MYH11: variants seen among roughly 807,000 people sequenced by gnomAD.
MYH11 encodes the protein myosin heavy chain 11, also known as myosin-11.
In MYH11, 80 loss-of-function variants were observed where a neutral mutation model predicts 246.6. The ratio of observed to expected loss-of-function variants is 0.32; its 90% CI spans 0.27 to 0.39. The LOEUF (loss-of-function observed/expected upper bound fraction) is 0.39. Ranked by LOEUF, MYH11 falls within the 10% of genes least tolerant of loss-of-function variation. The pLI, the probability that MYH11 is intolerant of heterozygous loss-of-function variation, is 1.00. For synonymous variants in MYH11, 1,071 were observed against 1,015.5 expected (o/e 1.05, Z -1.04); for missense variants, 2,158 against 2,546.8 (o/e 0.85, Z 3.29).
intron 5 of MYH11, among the ~76,000 whole-genome samples, chr16:15,784,416 G>T (rs2042421082): frequency 6.6e-6 from 1 of 152,074 alleles, no homozygotes; most frequent in African/African-American, 2.4e-5. Flanking sequence ...AAGGGTGCAG[G>T]GGTTCATTCT....
rs58077308 is a variant in MYH11 at position 15,788,798 on chromosome 16, ATGTGTGTGTG to A, written c.531-2076_531-2067del. Among the ~76,000 whole-genome samples the A allele has an allele frequency of 1.4e-4, 15 of 104,898 alleles. No homozygotes were observed. In the South Asian group the frequency reaches 3.7e-3, roughly 26 times the overall value. The allele number at this position is 104,898 out of a possible 152,430, so 68.8% of individuals were successfully genotyped here. A position where few individuals can be genotyped will look rare whatever the true frequency, so the allele number is the denominator to read the frequency against. On this transcript the variant is annotated intron_variant, in intron 4 of 40. Transcript: ENST00000300036. ...GAAGGGGAAACTAAGACCAGAATATATGTGTGTGTGTGTGTGTGTGTGTGTGTGTGTGTGT... is the reference window on the plus strand; with the variant it reads ...GAAGGGGAAACTAAGACCAGAATATATGTGTGTGTGTGTGTGTGTGTGTGT...
intron 40 of MYH11, chr16:15,708,697 G>A: frequency 8.2e-7 from 1 of 1,225,808 alleles, no homozygotes; most frequent in Non-Finnish European, 1.2e-6. Flanking sequence ...AGAATCTCGT[G>A]GAAATGTGCA....
intron 26 of MYH11, 129 bp downstream of exon 26, chr16:15,735,237 G>A: frequency 9.9e-7 from 1 of 1,014,064 alleles, no homozygotes; most frequent in Non-Finnish European, 1.5e-6. Context: ...ATAAGTTAAA[G>A]CAAACCGCGG....
chr16:15,734,414 T>C (rs949541075), intron 26 of MYH11, among the ~76,000 whole-genome samples: 2 of 152,162 alleles, frequency 1.3e-5, no homozygotes, highest in Non-Finnish European at 2.9e-5. Context: ...CTCTACTGCC[T>C]CAGCCTCCTG....
rs374486989 is a variant in MYH11, at chr16:15,717,190, C to A, written c.5454G>T (p.Ala1818=). The A allele has an allele frequency of 6.2e-7, 1 of 1,614,180 alleles. No individual in the cohort carries two copies. Among genetic ancestry groups the A allele is most frequent in the South Asian group, 1.1e-5 (1 of 91,082 alleles). Residue 1818 remains alanine, a synonymous_variant, in exon 38 of 41, where the codon GCG becomes GCT. Transcript: ENST00000300036. ...CCAGCTGTGCAATCTTGGCCTCCAG[C>A]GCCGCGATGGTGGACTTGAACTTGG... is the stretch of plus-strand genomic sequence containing the variant. ...VKSKFKSTIA[A]LEAKIAQLEE...
chr16:15,749,214 A>G (rs2041501078), intron 16 of MYH11: 3 of 149,758 alleles, frequency 2.0e-5, no homozygotes, highest in African/African-American at 5.0e-5. Context: ...CTGTGGTGCA[A>G]TCTCAGCTCA....
chr16:15,728,694 G>GT (rs887248923), intron 27 of MYH11, among the ~76,000 whole-genome samples: 12 of 152,252 alleles, frequency 7.9e-5, no homozygotes, highest in Admixed American at 3.9e-4. Context: ...GAGGTCAGGA[G>GT]TTTGAGACCA....
At chr16:15,830,075 C>T (rs1447788498) in intron 2 of MYH11, among the ~76,000 whole-genome samples, 1 of 151,728 alleles carries the variant, frequency 6.6e-6, no homozygotes, top group Non-Finnish European at 1.5e-5. Flanking sequence ...GCAGAGGTTG[C>T]AGTGAGCTGA....
chr16:15,763,741 T>TGGGGGGGCCCCCC, intron 10 of MYH11, 55 bp downstream of exon 10: 2 of 646,852 alleles, frequency 3.1e-6, no homozygotes, highest in East Asian at 3.2e-5. Flanking sequence ...AAATGTCACC[T>TGGGGGGGCCCCCC]CCCCCACCCC....
chr16:15,838,185 C>T lies in MYH11; in HGVS notation c.68G>A (p.Ser23Asn). 6.2e-7 allele frequency: 1 copy of T among 1,614,136 alleles called. No homozygotes were observed. Among genetic ancestry groups the T allele is most frequent in the Non-Finnish European group, 8.5e-7 (1 of 1,180,014 alleles). The change falls in exon 2 of 41, where the codon AGC becomes AAC. Residue 23 changes from serine (S) to asparagine (N), a missense_variant. Around this residue, in one of 11 missense-constraint regions of MYH11, gnomAD observed 96 missense variants for 91.9 expected, o/e 1.04. Coordinates refer to ENST00000300036, the MANE Select transcript of MYH11 (RefSeq NM_002474.3). ...FLFVDKNFIN[S>N]PVAQADWAAK... ...GGCCCAGTCAGCCTGGGCCACTGGG[C>T]TGTTGATGAAGTTTTTGTCCACAAA...
At position 15,718,364 on chromosome 16, in the gene MYH11, TGCTCCTCCTCCA is replaced by T. The variant is rs777249764; in HGVS notation, c.5234_5245del (p.Leu1745_Glu1748del). On this transcript the variant is annotated inframe_deletion, in exon 37 of 41. Coordinates refer to ENST00000300036, the MANE Select transcript of MYH11 (RefSeq NM_002474.3). ...GTCGCTCATGGCCTCCATGTTGCCC[TGCTCCTCCTCCA>T]GCTCCTCCTCCAGCTGGGCGATCCG... is the stretch of plus-strand genomic sequence containing the variant. The T allele has an allele frequency of 7.5e-6, 12 of 1,602,974 alleles. No individual in the cohort carries two copies. Among genetic ancestry groups the T allele is most frequent in the East Asian group, 2.3e-5 (1 of 44,262 alleles).
At position 15,837,754 on chromosome 16, in the gene MYH11, C is replaced by T. The variant is rs8048670; in HGVS notation, c.345+154G>A. On this transcript the variant is annotated intron_variant, in intron 2 of 40. Coordinates refer to ENST00000300036, the MANE Select transcript of MYH11 (RefSeq NM_002474.3). The stretch of plus-strand genomic sequence containing the variant: ...TTCATCATGTTGGCCAGCGTGGTCT[C>T]GAACTTCTGACCTCAGGTGATCTGC... Among the ~76,000 whole-genome samples, 52,993 of 151,722 alleles carry T rather than the reference C, an allele frequency of 0.35. 9,683 individuals are homozygous for T. The highest frequency in any genetic ancestry group is 0.47 in the East Asian group (2,431 of 5,140).
In MYH11 at chr16:15,745,150, C is replaced by T; in HGVS notation, c.2499G>A (p.Gln833=). ...TCACTTTGGTGAAAAGCCTCCACCA[C>T]TGCCAGTTCCGCAGCTTGAGGTAGG... ...CAAYLKLRNW[Q]WWRLFTKVKP... The change falls in exon 20 of 41, where the codon CAG becomes CAA. Residue 833 remains glutamine, a synonymous_variant. Transcript: ENST00000300036. The T allele has an allele frequency of 6.2e-7, 1 of 1,614,178 alleles. No homozygotes were observed. Among genetic ancestry groups the T allele is most frequent in the Non-Finnish European group, 8.5e-7 (1 of 1,180,034 alleles).
intron 3 of MYH11, among the ~76,000 whole-genome samples, chr16:15,805,690 T>A (rs1311867451): frequency 6.6e-6 from 1 of 152,104 alleles, no homozygotes; most frequent in Non-Finnish European, 1.5e-5. Context: ...GGCAGGTGGA[T>A]TGCTTGAGCC....
rs536775709 is a variant in MYH11, at chr16:15,846,818, A to G, written c.-17-8549T>C. Among the ~76,000 whole-genome samples the G allele has an allele frequency of 7.6e-4, 115 of 152,268 alleles. 1 individual carries two copies. In the Middle Eastern group the frequency reaches 0.01, roughly 14 times the overall value. On this transcript the variant is annotated intron_variant, in intron 1 of 40. Transcript: ENST00000300036. ...AACATACAAAAATTAACCGGTTGTGATAGTGTGCACCTGCAGTCCCAGCTA... is the reference window on the plus strand; with the variant it reads ...AACATACAAAAATTAACCGGTTGTGGTAGTGTGCACCTGCAGTCCCAGCTA...
Position 15,724,779 on chromosome 16 carries a change from G to C in MYH11, c.3984C>G (p.Thr1328=), listed in dbSNP as rs1467215674. The change falls in exon 30 of 41, where the codon ACC becomes ACG. Residue 1328 remains threonine, a synonymous_variant. Coordinates refer to ENST00000300036, the MANE Select transcript of MYH11 (RefSeq NM_002474.3). ...QDTQELLQEE[T]RQKLNVSTKL... ...TCGTAGACACGTTGAGCTTCTGCCG[G>C]GTTTCTTCTTGAAGCAGCTCCTGCA... 6.2e-7 allele frequency: 1 copy of C among 1,614,008 alleles called. No homozygotes were observed. The highest frequency in any genetic ancestry group is 1.1e-5 in the South Asian group (1 of 91,082).
At chr16:15,755,887 C>T (rs1043859839) in intron 14 of MYH11, among the ~76,000 whole-genome samples, 10 of 152,140 alleles carry the variant, frequency 6.6e-5, no homozygotes, top group Non-Finnish European at 1.0e-4. Flanking sequence ...GCAGAGATCA[C>T]GCCATTGCAC....
At chr16:15,843,596 G>A (rs2044111927) in intron 1 of MYH11, among the ~76,000 whole-genome samples, 1 of 151,856 alleles carries the variant, frequency 6.6e-6, no homozygotes, top group Admixed American at 6.6e-5. Flanking sequence ...TGGAGGCTGA[G>A]GCAGGAGAAT....
intron 8 of MYH11, among the ~76,000 whole-genome samples, chr16:15,775,495 A>G (rs992060866): frequency 6.6e-6 from 1 of 151,908 alleles, no homozygotes; most frequent in Non-Finnish European, 1.5e-5. Context: ...TCATTGGTTT[A>G]TATATTGCCT....
Sources: allele counts gnomAD v4.1 joint callset (sites outside exome capture counted in the v4.1 genomes callset), GRCh38; gene constraint gnomAD v4.1.1; regional missense constraint gnomAD v4.1.1; transcripts MANE v1.5; gene names NCBI Gene and HGNC (gene_info 2026-07-23, HGNC 2026-07-21).